The following FNIP2 variants were observed in gnomAD, a reference collection of about 807,000 sequenced individuals.
The protein encoded by FNIP2 is folliculin interacting protein 2, also known as folliculin-interacting protein 2.
In FNIP2, 32 loss-of-function variants were observed where a neutral mutation model predicts 108.7. The observed-to-expected ratio is 0.29, with a 90% confidence interval of 0.22 to 0.40. FNIP2 has a LOEUF of 0.40. Among genes scored for constraint, FNIP2 ranks in the 10% least tolerant of loss-of-function variants. The pLI, the probability that FNIP2 is intolerant of heterozygous loss-of-function variation, is 1.00. For synonymous variants in FNIP2, 480 were observed against 496.7 expected (o/e 0.97, Z 0.45); for missense variants, 1,202 against 1,381.6 (o/e 0.87, Z 2.06).
chr4:158,860,904 T>C (rs1461441926), intron 10 of FNIP2, among the ~76,000 whole-genome samples: 4 of 152,168 alleles, frequency 2.6e-5, no homozygotes, highest in Non-Finnish European at 5.9e-5. Flanking sequence ...ATCCACCACC[T>C]TGGCCTCCCA....
intron 7 of FNIP2, among the ~76,000 whole-genome samples, chr4:158,842,252 G>A (rs1779171966): frequency 6.6e-6 from 1 of 152,094 alleles, no homozygotes; most frequent in Admixed American, 6.5e-5. Flanking sequence ...AATGAAGATA[G>A]CAATAAAAAC....
At chr4:158,852,483 A>T (rs1207996761) in intron 8 of FNIP2, among the ~76,000 whole-genome samples, 6 of 152,212 alleles carry the variant, frequency 3.9e-5, no homozygotes, top group Non-Finnish European at 7.4e-5. Context: ...TGTGAACACA[A>T]GTCCTAGCTC....
At chr4:158,855,917 G>C (rs1031727446) in intron 8 of FNIP2, among the ~76,000 whole-genome samples, 12 of 152,222 alleles carry the variant, frequency 7.9e-5, no homozygotes, top group Non-Finnish European at 1.8e-4. Flanking sequence ...CTTCCTAAGA[G>C]AGTTAAAGGT....
intron 1 of FNIP2, among the ~76,000 whole-genome samples, chr4:158,790,253 G>C (rs992746157): frequency 1.3e-5 from 2 of 150,726 alleles, no homozygotes; most frequent in Non-Finnish European, 3.0e-5. Context: ...GAGGGATTTG[G>C]AGTTTTTTCA....
At chr4:158,846,034 A>G (rs553912495) in intron 7 of FNIP2, among the ~76,000 whole-genome samples, 19 of 152,224 alleles carry the variant, frequency 1.2e-4, no homozygotes, top group Non-Finnish European at 2.8e-4. Context: ...ATAATCTTCT[A>G]GTACACCAAG....
chr4:158,792,160 C>A (rs973557840), intron 1 of FNIP2, among the ~76,000 whole-genome samples: 2 of 152,092 alleles, frequency 1.3e-5, no homozygotes, highest in Non-Finnish European at 2.9e-5. Flanking sequence ...TTTGCAGATT[C>A]CTTATTAGTA....
chr4:158,826,881 T>C (rs1022418300), intron 2 of FNIP2, among the ~76,000 whole-genome samples: 2 of 152,228 alleles, frequency 1.3e-5, no homozygotes, highest in African/African-American at 4.8e-5. Context: ...TTATGTTCAA[T>C]AAGTTGCTAC....
chr4:158,800,393 C>G (rs1037054607), intron 1 of FNIP2, among the ~76,000 whole-genome samples: 2 of 152,096 alleles, frequency 1.3e-5, no homozygotes, highest in Non-Finnish European at 2.9e-5. Flanking sequence ...TTAATGATAG[C>G]AATTATGTTG....
intron 6 of FNIP2, chr4:158,833,866 AC>A: frequency 6.9e-7 from 1 of 1,458,172 alleles, no homozygotes; most frequent in East Asian, 2.8e-5. Context: ...TCTCCGGCTC[AC>A]CCGGAGTGCT....
chr4:158,780,489 G>T (rs1481207565), intron 1 of FNIP2, among the ~76,000 whole-genome samples: 1 of 152,028 alleles, frequency 6.6e-6, no homozygotes, highest in African/African-American at 2.4e-5. Flanking sequence ...ATCATTTCAC[G>T]CATGTCTCAT....
chr4:158,801,284 A>G (rs1466547385), intron 1 of FNIP2, among the ~76,000 whole-genome samples: 1 of 152,166 alleles, frequency 6.6e-6, no homozygotes, highest in Non-Finnish European at 1.5e-5. Flanking sequence ...AAGGTGTCCG[A>G]CAAGATACTT....
At chr4:158,834,833 A>G (rs1440055876) in intron 6 of FNIP2, 1 of 152,670 alleles carries the variant, frequency 6.6e-6, no homozygotes, top group Non-Finnish European at 1.5e-5. Flanking sequence ...CTCTACAATA[A>G]TACTGTGTAT....
intron 1 of FNIP2, among the ~76,000 whole-genome samples, chr4:158,791,469 AG>A (rs1232554588): frequency 6.6e-6 from 1 of 151,672 alleles, no homozygotes; most frequent in African/African-American, 2.4e-5. Context: ...TATTTTTAGT[AG>A]GGGGTTTCTC....
chr4:158,886,590 G>GTA (rs1216437699), intron 14 of FNIP2, among the ~76,000 whole-genome samples: 2 of 152,198 alleles, frequency 1.3e-5, no homozygotes, highest in Non-Finnish European at 2.9e-5. Context: ...GATGGAGGAA[G>GTA]TACAAACATA....
intron 14 of FNIP2, among the ~76,000 whole-genome samples, chr4:158,880,467 G>A (rs1345360736): frequency 6.6e-6 from 1 of 152,164 alleles, no homozygotes; most frequent in Non-Finnish European, 1.5e-5. Context: ...GGGAGGGATA[G>A]CATTAGGAGA....
chr4:158,859,193 T>C lies in FNIP2; in HGVS notation c.994T>C (p.Phe332Leu). The change falls in exon 9 of 17, where the codon TTC (phenylalanine) becomes CTC (leucine). Residue 332 changes from phenylalanine (F) to leucine (L), a missense_variant. Transcript: ENST00000264433. ...AGAAGCACAAAGGAATTTCCAGGAC[T>C]TCTTCTTTTCTCATTTTCCCCTGTT... ...KEEAQRNFQD[F>L]FFSHFPLFES... 10 of 1,613,314 alleles carry C rather than the reference T, an allele frequency of 6.2e-6. No individual in the cohort carries two copies. Among genetic ancestry groups the C allele is most frequent in the Non-Finnish European group, 8.5e-6 (10 of 1,179,574 alleles).
At chr4:158,781,034 CAAAAA>C (rs70962632) in intron 1 of FNIP2, among the ~76,000 whole-genome samples, 2 of 130,516 alleles carry the variant, frequency 1.5e-5, no homozygotes, top group African/African-American at 3.0e-5. Flanking sequence ...GAGTCCTTCT[CAAAAA>C]AAAAAAAAAA....
intron 1 of FNIP2, among the ~76,000 whole-genome samples, chr4:158,787,039 T>G (rs1776248097): frequency 6.6e-6 from 1 of 152,046 alleles, no homozygotes; most frequent in African/African-American, 2.4e-5. Context: ...GACAGAAGGA[T>G]CCATGACTTC....
Sources: gnomAD v4.1 joint callset for allele counts (sites outside exome capture counted in the v4.1 genomes callset) on GRCh38, gnomAD v4.1.1 for gene constraint, MANE v1.5 for transcripts, NCBI Gene and HGNC (gene_info 2026-07-23, HGNC 2026-07-21) for gene names.